GRID2: variants seen among roughly 807,000 people sequenced by gnomAD.
GRID2 encodes the protein glutamate receptor ionotropic, delta-2.
Under a neutral mutation model 114.8 loss-of-function variants are expected in GRID2, and 33 were observed. That is an observed-to-expected ratio of 0.29 (90% CI 0.22 to 0.38). The LOEUF is 0.38. GRID2 is among the 10% of genes least tolerant of loss of function. The pLI is 1.00. For synonymous variants in GRID2, 505 were observed against 449.9 expected, an observed-to-expected ratio of 1.12 and a Z score of -1.55; for missense variants, 1,184 against 1,257.7, an observed-to-expected ratio of 0.94 and a Z score of 0.89.
chr4:93,016,112 G>T (rs1281114016), intron 2 of GRID2, among the ~76,000 whole-genome samples: 2 of 151,100 alleles, frequency 1.3e-5, no homozygotes, highest in Non-Finnish European at 3.0e-5. Flanking sequence ...TGTGTGTTTG[G>T]AAGATGAGAG....
At chr4:92,727,722 G>A (rs529365510) in intron 2 of GRID2, among the ~76,000 whole-genome samples, 1 of 152,050 alleles carries the variant, frequency 6.6e-6, no homozygotes, top group Non-Finnish European at 1.5e-5. Context: ...ACTGGAGCAG[G>A]TAATTGATGG....
rs376555614 is a variant in GRID2 at position 93,146,228 on chromosome 4, T to G, written c.735+35275T>G. Among the ~76,000 whole-genome samples the G allele has an allele frequency of 1.2e-4, 19 of 152,308 alleles. 1 individual carries two copies. The highest frequency in any genetic ancestry group is 3.9e-4 in the Admixed American group (6 of 15,288). Reference sequence around the variant, plus strand: ...CTTGTAATTAATTGCAGACTAATTTTATTCATGAAGTTATATTTGAACTAA... The same window carrying G: ...CTTGTAATTAATTGCAGACTAATTTGATTCATGAAGTTATATTTGAACTAA... On this transcript the variant is annotated intron_variant, in intron 4 of 15. Transcript: ENST00000282020.
At chr4:93,631,877 G>A (rs1031157262) in intron 14 of GRID2, among the ~76,000 whole-genome samples, 5 of 152,150 alleles carry the variant, frequency 3.3e-5, no homozygotes, top group African/African-American at 1.2e-4. Flanking sequence ...TCCAGTACCT[G>A]TTGTTTCCTG....
At chr4:93,768,081 C>T (rs1290715542) in intron 14 of GRID2, among the ~76,000 whole-genome samples, 4 of 152,138 alleles carry the variant, frequency 2.6e-5, no homozygotes, top group African/African-American at 7.2e-5. Flanking sequence ...GTGTCTCCTA[C>T]GCAAGGCTGT....
At chr4:92,888,211 CATTT>C (rs1746508234) in intron 2 of GRID2, among the ~76,000 whole-genome samples, 1 of 152,062 alleles carries the variant, frequency 6.6e-6, no homozygotes, top group African/African-American at 2.4e-5. Flanking sequence ...TTAAAACTGT[CATTT>C]ATTCTAATTA....
At chr4:92,898,955 AAG>A (rs1228765153) in intron 2 of GRID2, among the ~76,000 whole-genome samples, 1 of 152,164 alleles carries the variant, frequency 6.6e-6, no homozygotes, top group East Asian at 1.9e-4. Context: ...TCCAATTACA[AAG>A]AGTTTTACAC....
chr4:92,350,257 A>C (rs1376940872), intron 1 of GRID2, among the ~76,000 whole-genome samples: 3 of 151,766 alleles, frequency 2.0e-5, no homozygotes, highest in Non-Finnish European at 4.4e-5. Context: ...CCTTATAACT[A>C]TATTGCTGTT....
At chr4:93,060,904 A>G (rs2149292531) in intron 2 of GRID2, among the ~76,000 whole-genome samples, 1 of 152,164 alleles carries the variant, frequency 6.6e-6, no homozygotes, top group South Asian at 2.1e-4. Context: ...GGAGTTCGAG[A>G]CCAGACTGGC....
In GRID2 at chr4:93,602,159, A is replaced by G. The variant is rs191047001; in HGVS notation, c.2194-24110A>G. On this transcript the variant is annotated intron_variant, in intron 13 of 15. Transcript: ENST00000282020. ...CTTCATTTTATAAGAAAATCTTCCC[A>G]TTTTGCTTTTCAGAGAGGATTGTGT... Among the ~76,000 whole-genome samples, 334 of 152,236 alleles carry G rather than the reference A, an allele frequency of 2.2e-3. 1 individual carries two copies. Among genetic ancestry groups the G allele is most frequent in the African/African-American group, 7.8e-3 (323 of 41,554 alleles).
chr4:93,213,802 CT>C (rs34573621), intron 5 of GRID2, among the ~76,000 whole-genome samples: 75,314 of 151,784 alleles, frequency 0.5, 19,165 homozygotes, highest in Middle Eastern at 0.66. Context: ...TTTAGCATTC[CT>C]TTTTTCTTCC....
Position 93,395,670 on chromosome 4 carries a change from A to T in GRID2, c.1309A>T (p.Asn437Tyr). The T allele has an allele frequency of 6.3e-7, 1 of 1,579,484 alleles. No homozygotes were observed. Among genetic ancestry groups the T allele is most frequent in the Non-Finnish European group, 8.7e-7 (1 of 1,149,000 alleles). The change falls in exon 9 of 16, where the codon AAC (asparagine) becomes TAC (tyrosine). Residue 437 changes from asparagine to tyrosine, a missense_variant. Around this residue, in one of 3 missense-constraint regions of GRID2, gnomAD observed 717 missense variants for 796.9 expected, o/e 0.90. Transcript: ENST00000282020. The part of the protein sequence containing the change: ...GSLTDKKLEN[N>Y]MRGVVLRVVT... ...ACTGACTGACAAGAAATTGGAGAAT[A>T]ACATGCGTGGAGTGGTTCTACGTGT...
intron 2 of GRID2, among the ~76,000 whole-genome samples, chr4:92,629,410 A>G (rs1401849903): frequency 6.6e-6 from 1 of 152,152 alleles, no homozygotes; most frequent in South Asian, 2.1e-4. Context: ...CATCTTATAT[A>G]TTGCTATAAA....
At chr4:92,464,612 C>T (rs1721657714) in intron 1 of GRID2, among the ~76,000 whole-genome samples, 1 of 151,978 alleles carries the variant, frequency 6.6e-6, no homozygotes, top group Non-Finnish European at 1.5e-5. Context: ...TTCAGTTCAA[C>T]TCCATAAAAT....
chr4:92,639,232 A>C (rs1356888746), intron 2 of GRID2, among the ~76,000 whole-genome samples: 1 of 151,792 alleles, frequency 6.6e-6, no homozygotes, highest in Non-Finnish European at 1.5e-5. Context: ...ATATGGATAG[A>C]GTTACTGCTT....
intron 1 of GRID2, among the ~76,000 whole-genome samples, chr4:92,584,478 A>G (rs1424172848): frequency 6.6e-6 from 1 of 151,938 alleles, no homozygotes; most frequent in Non-Finnish European, 1.5e-5. Context: ...TCCTACTGTG[A>G]CTAATAAACT....
intron 2 of GRID2, among the ~76,000 whole-genome samples, chr4:92,714,568 A>C (rs1579901179): frequency 6.6e-6 from 1 of 152,214 alleles, no homozygotes; most frequent in South Asian, 2.1e-4. Flanking sequence ...TATGCCTGCC[A>C]CAAACTTCTG....
At chr4:93,095,221 G>A (rs573677220) in intron 3 of GRID2, among the ~76,000 whole-genome samples, 13 of 151,662 alleles carry the variant, frequency 8.6e-5, no homozygotes, top group African/African-American at 3.1e-4. Context: ...GGTTTGTTGC[G>A]CCCATCGACC....
At chr4:93,386,142 C>T (rs530557059) in intron 8 of GRID2, among the ~76,000 whole-genome samples, 1 of 152,134 alleles carries the variant, frequency 6.6e-6, no homozygotes, top group African/African-American at 2.4e-5. Flanking sequence ...ATGACCCTTG[C>T]TCTAATTCCT....
intron 2 of GRID2, among the ~76,000 whole-genome samples, chr4:92,667,520 C>T (rs998977104): frequency 6.6e-6 from 1 of 151,450 alleles, no homozygotes; most frequent in Non-Finnish European, 1.5e-5. Flanking sequence ...ATTTTCTGTT[C>T]ATTTACAATC....
Sources: allele counts gnomAD v4.1 joint callset (sites outside exome capture counted in the v4.1 genomes callset), GRCh38; gene constraint gnomAD v4.1.1; regional missense constraint gnomAD v4.1.1; transcripts MANE v1.5; gene names NCBI Gene and HGNC (gene_info 2026-07-23, HGNC 2026-07-21).